IL34: variants seen among roughly 807,000 people sequenced by gnomAD.
IL34 encodes interleukin-34.
In IL34, 17 loss-of-function variants were observed where a neutral mutation model predicts 25.3. The observed-to-expected ratio is 0.67, with a 90% CI of 0.46 to 1.01. IL34 has a LOEUF of 1.01. IL34 is among the 50% of genes least tolerant of loss of function. The probability of loss-of-function intolerance (pLI) is 0.00; values close to 1 mark genes in which losing one functional copy is unlikely to be tolerated. For synonymous variants in IL34, 174 were observed against 140.9 expected, an observed-to-expected ratio of 1.23 and a Z score of -1.66; for missense variants, 368 against 312.9, an observed-to-expected ratio of 1.18 and a Z score of -1.33.
At chr16:70,610,900 G>A (rs910310909) in intron 1 of IL34, among the ~76,000 whole-genome samples, 4 of 152,180 alleles carry the variant, frequency 2.6e-5, no homozygotes, top group Non-Finnish European at 5.9e-5. Flanking sequence ...AGATTCTTCT[G>A]GAAATGAAAA....
At chr16:70,654,473 C>T in intron 1 of IL34, 65 bp from the exon 2 acceptor site, 3 of 1,523,428 alleles carry the variant, frequency 2.0e-6, no homozygotes, top group Non-Finnish European at 8.9e-7. Flanking sequence ...CTCGGCTTTG[C>T]GTGTTGTGGA....
At chr16:70,601,530 G>C (rs935922325) in intron 1 of IL34, among the ~76,000 whole-genome samples, 10 of 152,050 alleles carry the variant, frequency 6.6e-5, no homozygotes, top group Non-Finnish European at 1.3e-4. Context: ...TCCCACCTCA[G>C]CCTCATGAAT....
chr16:70,625,992 G>A (rs999225564), intron 1 of IL34, among the ~76,000 whole-genome samples: 1 of 152,170 alleles, frequency 6.6e-6, no homozygotes, highest in Non-Finnish European at 1.5e-5. Context: ...GAGGTCCCCC[G>A]ATCCGAGTCA....
At chr16:70,589,984 A>G (rs74026083) in intron 1 of IL34, among the ~76,000 whole-genome samples, 13,446 of 152,286 alleles carry the variant, frequency 0.088, 1,401 homozygotes, top group African/African-American at 0.23. Flanking sequence ...TCGTGAGGAC[A>G]GGATGAGGCA....
chr16:70,585,336 G>A (rs551960553), intron 1 of IL34, among the ~76,000 whole-genome samples: 8 of 152,104 alleles, frequency 5.3e-5, no homozygotes, highest in East Asian at 3.9e-4. Context: ...CGATCCTCCC[G>A]CCTCAGCCTC....
At chr16:70,639,679 G>T (rs767319159) in intron 1 of IL34, among the ~76,000 whole-genome samples, 5 of 152,170 alleles carry the variant, frequency 3.3e-5, no homozygotes, top group African/African-American at 4.8e-5. Context: ...AGGAGTCCAG[G>T]CGTGGTGACT....
In IL34 at chr16:70,652,536, G is replaced by A. The variant is rs115053586; in HGVS notation, c.29-2002G>A. 8.7e-3 allele frequency among the ~76,000 whole-genome samples: 1,324 copies of A among 152,340 alleles called. 21 individuals are homozygous for A. Among genetic ancestry groups the A allele is most frequent in the African/African-American group, 0.03 (1,254 of 41,570 alleles). On this transcript the variant is annotated intron_variant, in intron 1 of 5. Transcript: ENST00000288098. ...AACACAGATAGTGTTGAGTCATGCT[G>A]TTTTTAAGCTTCACTAAGCATATCT...
intron 1 of IL34, among the ~76,000 whole-genome samples, chr16:70,605,634 T>C (rs904077395): frequency 3.3e-5 from 5 of 152,206 alleles, no homozygotes; most frequent in African/African-American, 1.2e-4. Context: ...CTTTTATTAT[T>C]ATTATTTGTT....
intron 1 of IL34, among the ~76,000 whole-genome samples, chr16:70,607,323 C>T (rs906372285): frequency 4.6e-5 from 7 of 152,132 alleles, no homozygotes; most frequent in African/African-American, 1.7e-4. Context: ...CCAGGATGGT[C>T]GTGATGTCCT....
At chr16:70,616,318 A>G (rs1597748483) in intron 1 of IL34, among the ~76,000 whole-genome samples, 1 of 152,346 alleles carries the variant, frequency 6.6e-6, no homozygotes, top group Non-Finnish European at 1.5e-5. Flanking sequence ...TGGATGAAAA[A>G]TTAGTTTGCC....
chr16:70,594,919 GGCT>G (rs2050798604), intron 1 of IL34, among the ~76,000 whole-genome samples: 1 of 151,606 alleles, frequency 6.6e-6, no homozygotes, highest in Non-Finnish European at 1.5e-5. Flanking sequence ...ATTTCCAGGT[GGCT>G]GCATTTCAAT....
intron 1 of IL34, among the ~76,000 whole-genome samples, chr16:70,594,499 C>G (rs1480130364): frequency 6.6e-6 from 1 of 152,174 alleles, no homozygotes; most frequent in Non-Finnish European, 1.5e-5. Flanking sequence ...CCCTAGGCCT[C>G]CATTCATCTA....
At chr16:70,582,039 C>G (rs1396775619) in intron 1 of IL34, among the ~76,000 whole-genome samples, 1 of 152,224 alleles carries the variant, frequency 6.6e-6, no homozygotes, top group African/African-American at 2.4e-5. Context: ...CCTGGAGGCC[C>G]CCTCTTCCCC....
At chr16:70,628,267 C>T (rs2051439263) in intron 1 of IL34, among the ~76,000 whole-genome samples, 9 of 152,094 alleles carry the variant, frequency 5.9e-5, no homozygotes, top group Admixed American at 4.6e-4. Context: ...AGAATTGGAC[C>T]TACTTATGAT....
At chr16:70,650,144 G>A (rs2052042866) in intron 1 of IL34, among the ~76,000 whole-genome samples, 1 of 152,152 alleles carries the variant, frequency 6.6e-6, no homozygotes, top group South Asian at 2.1e-4. Context: ...GGCAGGGTGG[G>A]TCTCCTGACC....
intron 1 of IL34, among the ~76,000 whole-genome samples, chr16:70,651,183 G>T (rs147347594): frequency 6.6e-6 from 1 of 152,100 alleles, no homozygotes; most frequent in Non-Finnish European, 1.5e-5. Flanking sequence ...CGTGGTGATG[G>T]GGGGGAGAGA....
intron 1 of IL34, among the ~76,000 whole-genome samples, chr16:70,650,751 C>G (rs1051565745): frequency 6.6e-6 from 1 of 152,094 alleles, no homozygotes; most frequent in African/African-American, 2.4e-5. Flanking sequence ...GAAAGGTAGA[C>G]TCTCTGCATC....
chr16:70,639,839 T>C (rs1412194864), intron 1 of IL34, among the ~76,000 whole-genome samples: 1 of 151,990 alleles, frequency 6.6e-6, no homozygotes, highest in Non-Finnish European at 1.5e-5. Context: ...ATGCCTGTAG[T>C]CCGAGCTACT....
chr16:70,655,282 A>G (rs1056785583), intron 2 of IL34, among the ~76,000 whole-genome samples: 9 of 150,332 alleles, frequency 6.0e-5, no homozygotes, highest in Non-Finnish European at 1.2e-4. Flanking sequence ...CCATCTCTTG[A>G]CCTCGTGATC....
Sources: allele counts gnomAD v4.1 joint callset (sites outside exome capture counted in the v4.1 genomes callset), GRCh38; gene constraint gnomAD v4.1.1; transcripts MANE v1.5; gene names NCBI Gene and HGNC (gene_info 2026-07-23, HGNC 2026-07-21).